Variants in SNX6 observed in about 807,000 individuals in gnomAD.
SNX6 encodes the protein sorting nexin-6.
A neutral mutation model predicts 63.0 loss-of-function variants in SNX6; 34 were observed. The ratio of observed to expected loss-of-function variants is 0.54; its 90% CI spans 0.41 to 0.72. SNX6 has a LOEUF of 0.72. Among genes scored for constraint, SNX6 ranks in the 30% least tolerant of loss-of-function variants. SNX6 has a pLI of 0.00. For synonymous variants in SNX6, 170 were observed against 164.2 expected, an observed-to-expected ratio of 1.04 and a Z score of -0.27; for missense variants, 398 against 471.4, an observed-to-expected ratio of 0.84 and a Z score of 1.44.
At chr14:34,620,459 C>G (rs1179685636) in intron 2 of SNX6, among the ~76,000 whole-genome samples, 1 of 152,034 alleles carries the variant, frequency 6.6e-6, no homozygotes, top group Non-Finnish European at 1.5e-5. Context: ...CCAGCCTGGG[C>G]AACAGAGCAA....
chr14:34,585,098 C>T (rs925732628), intron 9 of SNX6, among the ~76,000 whole-genome samples: 4 of 152,112 alleles, frequency 2.6e-5, no homozygotes, highest in South Asian at 2.1e-4. Context: ...GTGTTCTGCC[C>T]GCCTCGGCCT....
chr14:34,623,595 G>C (rs752997400), intron 2 of SNX6, among the ~76,000 whole-genome samples: 1 of 152,176 alleles, frequency 6.6e-6, no homozygotes, highest in Non-Finnish European at 1.5e-5. Flanking sequence ...GCAGGAAGAA[G>C]CAAGGAGCTT....
At chr14:34,578,679 G>C (rs1374043437) in intron 10 of SNX6, among the ~76,000 whole-genome samples, 1 of 147,598 alleles carries the variant, frequency 6.8e-6, no homozygotes, top group Admixed American at 6.9e-5. Context: ...GGTGGCTCAT[G>C]CCTGTAATCC....
At chr14:34,629,548 C>G (rs770659102) in intron 2 of SNX6, 3 of 545,586 alleles carry the variant, frequency 5.5e-6, no homozygotes, top group South Asian at 4.6e-5. Flanking sequence ...TGGGAAGGTC[C>G]GAGAATGGGT....
Position 34,605,707 on chromosome 14 carries a change from G to C in SNX6, c.281C>G (p.Ala94Gly). 6.2e-7 allele frequency: 1 copy of C among 1,601,458 alleles called. No homozygotes were observed. Among genetic ancestry groups the C allele is most frequent in the Non-Finnish European group, 8.5e-7 (1 of 1,176,590 alleles). ...AGCATCAAAATCAGGTCTTGGTGGT[G>C]CTGGTGGAATCTGTAACAGGACCAA... is the stretch of plus-strand genomic sequence containing the variant. Reference protein sequence around the residue: ...EDYAGYIIPPAPPRPDFDASR... With the variant: ...EDYAGYIIPPGPPRPDFDASR... Residue 94 changes from alanine to glycine, a missense_variant, in exon 5 of 14, where the codon GCA (alanine) becomes GGA (glycine). Transcript: ENST00000362031.
At chr14:34,571,651 A>G (rs1447690903) in intron 11 of SNX6, among the ~76,000 whole-genome samples, 1 of 152,210 alleles carries the variant, frequency 6.6e-6, no homozygotes, top group African/African-American at 2.4e-5. Flanking sequence ...TTTTAGGACA[A>G]CAAAAATACT....
At chr14:34,595,196 A>G (rs1427608567) in intron 7 of SNX6, among the ~76,000 whole-genome samples, 1 of 151,912 alleles carries the variant, frequency 6.6e-6, no homozygotes, top group African/African-American at 2.4e-5. Context: ...GTGCAATGGC[A>G]CAATCTTGGC....
At chr14:34,603,701 T>C (rs778600384) in intron 5 of SNX6, among the ~76,000 whole-genome samples, 1 of 152,188 alleles carries the variant, frequency 6.6e-6, no homozygotes, top group East Asian at 1.9e-4. Flanking sequence ...AATGTTAATA[T>C]TTTTAAGTTT....
chr14:34,603,406 G>C lies in SNX6; in HGVS notation c.458C>G (p.Ala153Gly), dbSNP rs1392448059. Reference sequence around the variant, plus strand: ...TAAATCTCTTCTCAAAATAGGATGTGCTGCCACACGACACAGGAACACTTC... The same window carrying C: ...TAAATCTCTTCTCAAAATAGGATGTCCTGCCACACGACACAGGAACACTTC... ...MHEVFLCRVA[A>G]HPILRRDLNF... Residue 153 changes from alanine (A) to glycine (G), a missense_variant, in exon 6 of 14, where the codon GCA becomes GGA. Ala to Gly is a moderately conservative substitution (Grantham distance 60). Coordinates refer to ENST00000362031, the MANE Select transcript of SNX6 (RefSeq NM_152233.4). The C allele has an allele frequency of 1.2e-6, 2 of 1,609,870 alleles. No individual in the cohort carries two copies. Among genetic ancestry groups the C allele is most frequent in the Non-Finnish European group, 1.7e-6 (2 of 1,177,710 alleles).
rs1409942134 is a variant in SNX6 at position 34,562,541 on chromosome 14, ACATACTAATG to A, written c.*571_*580del. 2 of 152,674 alleles carry A rather than the reference ACATACTAATG, an allele frequency of 1.3e-5. No homozygotes were observed. The highest frequency in any genetic ancestry group is 3.8e-4 in the East Asian group (2 of 5,208). The allele number at this position is 152,674 out of a possible 1,614,324, so 9.5% of individuals were successfully genotyped here. On this transcript the variant is annotated 3_prime_UTR_variant, in exon 14 of 14. Coordinates refer to ENST00000362031, the MANE Select transcript of SNX6 (RefSeq NM_152233.4). ...GGTTTAGTCTACAAGTTTAAGGCAA[ACATACTAATG>A]CATTTGCTTTTCTTCAGAAATCATA... is the stretch of plus-strand genomic sequence containing the variant.
chr14:34,625,840 A>G (rs1883807003), intron 2 of SNX6, among the ~76,000 whole-genome samples: 1 of 152,180 alleles, frequency 6.6e-6, no homozygotes, highest in Non-Finnish European at 1.5e-5. Flanking sequence ...CCCTACCCTA[A>G]GAGATTCTGA....
In SNX6 at chr14:34,568,031, T is replaced by A; in HGVS notation, c.922-18A>T. On this transcript the variant is annotated intron_variant, in intron 11 of 13. Coordinates refer to ENST00000362031, the MANE Select transcript of SNX6 (RefSeq NM_152233.4). ...AGGAGATCCTATAAAACAGAATGCT[T>A]CACAATAGTATATATACTGCATGTT... 2 of 1,606,660 alleles carry A rather than the reference T, an allele frequency of 1.2e-6. No individual in the cohort carries two copies. Among genetic ancestry groups the A allele is most frequent in the Non-Finnish European group, 1.7e-6 (2 of 1,177,420 alleles).
At chr14:34,572,539 T>C (rs758741824) in intron 11 of SNX6, among the ~76,000 whole-genome samples, 16 of 152,208 alleles carry the variant, frequency 1.1e-4, no homozygotes, top group Non-Finnish European at 2.1e-4. Context: ...TAAAGGGTTA[T>C]AGATAATTTA....
At chr14:34,564,061 T>A (rs1005479961) in intron 13 of SNX6, among the ~76,000 whole-genome samples, 2 of 152,064 alleles carry the variant, frequency 1.3e-5, no homozygotes, top group Non-Finnish European at 2.9e-5. Flanking sequence ...AGAGTCTTGC[T>A]TTGTCACCCA....
chr14:34,618,470 C>T (rs980792049), intron 2 of SNX6, among the ~76,000 whole-genome samples: 1 of 152,294 alleles, frequency 6.6e-6, no homozygotes, highest in South Asian at 2.1e-4. Flanking sequence ...CCTGCCTCAG[C>T]CTCCCTAGTA....
chr14:34,627,887 C>G (rs1030818118), intron 2 of SNX6, among the ~76,000 whole-genome samples: 2 of 152,122 alleles, frequency 1.3e-5, no homozygotes, highest in Admixed American at 1.3e-4. Context: ...TCCCAAAATG[C>G]TGGGATTAAA....
intron 2 of SNX6, among the ~76,000 whole-genome samples, chr14:34,616,908 T>TA (rs1365118110): frequency 6.6e-6 from 1 of 151,564 alleles, no homozygotes; most frequent in Non-Finnish European, 1.5e-5. Flanking sequence ...TTGTTTCTAC[T>TA]AAAAATATAA....
intron 2 of SNX6, among the ~76,000 whole-genome samples, chr14:34,614,851 G>A (rs1302620592): frequency 1.3e-5 from 2 of 152,158 alleles, no homozygotes; most frequent in Non-Finnish European, 2.9e-5. Flanking sequence ...GTTGCAGTGA[G>A]CTATGATGGC....
rs1370055421 is a variant in SNX6, at chr14:34,581,573, G to T, written c.822C>A (p.Phe274Leu). 6.8e-7 allele frequency: 1 copy of T among 1,461,166 alleles called. No homozygotes were observed. Among genetic ancestry groups the T allele is most frequent in the South Asian group, 1.2e-5 (1 of 85,020 alleles). The allele number at this position is 1,461,166 out of a possible 1,614,324, so 90.5% of individuals were successfully genotyped here. A position where few individuals can be genotyped will look rare whatever the true frequency, so the allele number is the denominator to read the frequency against. Residue 274 changes from phenylalanine (F) to leucine (L), a missense_variant, in exon 10 of 14, where the codon TTC becomes TTA. Transcript: ENST00000362031. ...ATTTAGTACTTACTCTTGTTTTATCGAACAGTTCTGAAACTTTGAGAAAAA... is the reference window on the plus strand; with the variant it reads ...ATTTAGTACTTACTCTTGTTTTATCTAACAGTTCTGAAACTTTGAGAAAAA... ...CKFFLKVSELFDKTRKIEARV... is the reference protein window; with the variant it reads ...CKFFLKVSELLDKTRKIEARV...
Sources: gnomAD v4.1 joint callset for allele counts (sites outside exome capture counted in the v4.1 genomes callset) on GRCh38, gnomAD v4.1.1 for gene constraint, MANE v1.5 for transcripts, NCBI Gene and HGNC (gene_info 2026-07-23, HGNC 2026-07-21) for gene names.